Variants in DOK6 observed in about 807,000 individuals in gnomAD.
The protein encoded by DOK6 is docking protein 6.
DOK6 carries 22 observed loss-of-function variants against 44.0 expected under a neutral mutation model. The observed-to-expected ratio is 0.50, with a 90% CI of 0.36 to 0.71. The LOEUF is 0.71. DOK6 is among the 30% of genes least tolerant of loss of function. The pLI is 0.00. For synonymous variants in DOK6, 166 were observed against 145.5 expected (o/e 1.14, Z -1.01); for missense variants, 340 against 416.4 (o/e 0.82, Z 1.60).
At chr18:69,538,351 A>G (rs1982176580) in intron 1 of DOK6, among the ~76,000 whole-genome samples, 1 of 152,052 alleles carries the variant, frequency 6.6e-6, no homozygotes, top group South Asian at 2.1e-4. Flanking sequence ...AGAATAATTT[A>G]AAAGTTTGGG....
intron 3 of DOK6, among the ~76,000 whole-genome samples, chr18:69,622,167 C>G (rs1176172201): frequency 6.6e-6 from 1 of 152,154 alleles, no homozygotes; most frequent in Non-Finnish European, 1.5e-5. Context: ...GAAATCCTTT[C>G]TGCTTATTGT....
intron 7 of DOK6, among the ~76,000 whole-genome samples, chr18:69,795,720 G>A (rs935321878): frequency 3.3e-5 from 5 of 152,152 alleles, no homozygotes; most frequent in African/African-American, 7.2e-5. Context: ...ATGACAGCCC[G>A]TTTGGGAATT....
At chr18:69,476,815 T>G (rs980280186) in intron 1 of DOK6, among the ~76,000 whole-genome samples, 4 of 152,122 alleles carry the variant, frequency 2.6e-5, no homozygotes, top group African/African-American at 9.7e-5. Context: ...CTTTCCTTTC[T>G]CAGAACCCAA....
chr18:69,436,542 C>G (rs551586183), intron 1 of DOK6, among the ~76,000 whole-genome samples: 2 of 152,242 alleles, frequency 1.3e-5, no homozygotes, highest in African/African-American at 4.8e-5. Context: ...GCCACATTTT[C>G]TTTCTCCAGT....
chr18:69,807,175 G>GT lies in DOK6; in HGVS notation c.857-34061dup, dbSNP rs144076851. Among the ~76,000 whole-genome samples the GT allele has an allele frequency of 4.0e-5, 6 of 151,398 alleles. No individual in the cohort carries two copies. The East Asian group carries it at 1.2e-3, about 30-fold the overall frequency. ...AGAACTGCAAGTCCTCAGTGTGGAG[G>GT]TTTTTTTTAATGCAATCAAAGTTAA... On this transcript the variant is annotated intron_variant, in intron 7 of 7. Coordinates refer to ENST00000382713, the MANE Select transcript of DOK6 (RefSeq NM_152721.6).
intron 2 of DOK6, among the ~76,000 whole-genome samples, chr18:69,572,681 C>T (rs763662001): frequency 7.4e-4 from 112 of 151,962 alleles, no homozygotes; most frequent in Non-Finnish European, 1.1e-3. Context: ...GGGAAAAGAA[C>T]AGTAAAAGGT....
At chr18:69,705,954 A>T (rs2144710449) in intron 5 of DOK6, among the ~76,000 whole-genome samples, 1 of 152,258 alleles carries the variant, frequency 6.6e-6, no homozygotes, top group South Asian at 2.1e-4. Flanking sequence ...TTCTGCTAAG[A>T]AACTGCAGAC....
intron 1 of DOK6, among the ~76,000 whole-genome samples, chr18:69,508,064 AT>A (rs565662957): frequency 3.7e-4 from 57 of 152,090 alleles, no homozygotes; most frequent in African/African-American, 1.2e-3. Context: ...TTCCTAGTAT[AT>A]TTTTTTCATG....
intron 3 of DOK6, among the ~76,000 whole-genome samples, chr18:69,648,125 T>C (rs1245026651): frequency 6.6e-6 from 1 of 152,190 alleles, no homozygotes. Context: ...ACTTTTTGTT[T>C]TTTACGTTAC....
intron 7 of DOK6, among the ~76,000 whole-genome samples, chr18:69,789,460 C>T (rs756746550): frequency 1.1e-4 from 17 of 151,500 alleles, no homozygotes; most frequent in Non-Finnish European, 2.1e-4. Flanking sequence ...TGTGTGTATG[C>T]GTGTGTGTTT....
chr18:69,555,707 G>A (rs1982670626), intron 1 of DOK6, among the ~76,000 whole-genome samples: 1 of 152,044 alleles, frequency 6.6e-6, no homozygotes, highest in Admixed American at 6.6e-5. Flanking sequence ...GAATTTTCTG[G>A]TTTGTAACCA....
intron 1 of DOK6, among the ~76,000 whole-genome samples, chr18:69,479,550 T>C (rs1304037161): frequency 6.6e-6 from 1 of 152,156 alleles, no homozygotes; most frequent in Non-Finnish European, 1.5e-5. Flanking sequence ...AATATGGTCA[T>C]CATAATACAC....
Position 69,841,456 on chromosome 18 carries a change from T to A in DOK6, c.*73T>A. The A allele has an allele frequency of 1.3e-6, 2 of 1,581,554 alleles. No individual in the cohort carries two copies. Among genetic ancestry groups the A allele is most frequent in the African/African-American group, 1.3e-5 (1 of 74,330 alleles). On this transcript the variant is annotated 3_prime_UTR_variant, in exon 8 of 8. Transcript: ENST00000382713. ...GTCTGTGGGGTCATTACCCTCTGCCTCCTGGAAGACCAATTGCAGTACAAA... is the reference window on the plus strand; with the variant it reads ...GTCTGTGGGGTCATTACCCTCTGCCACCTGGAAGACCAATTGCAGTACAAA...
At chr18:69,837,006 A>G (rs1982072628) in intron 7 of DOK6, among the ~76,000 whole-genome samples, 1 of 152,190 alleles carries the variant, frequency 6.6e-6, no homozygotes, top group Non-Finnish European at 1.5e-5. Context: ...AATTATCTGT[A>G]AAGAAACGGT....
rs1454922440 is a variant in DOK6, at chr18:69,843,709, C to T, written c.*2326C>T. 1 of 152,166 alleles carries T rather than the reference C, an allele frequency of 6.6e-6. No homozygotes were observed. The highest frequency in any genetic ancestry group is 1.5e-5 in the Non-Finnish European group (1 of 68,042). 9.4% of individuals were successfully genotyped at this position (152,166 alleles called of 1,614,324 possible). On this transcript the variant is annotated 3_prime_UTR_variant, in exon 8 of 8. Transcript: ENST00000382713. ...ACCAATGAATATAACTGAAGGAGCA[C>T]CAAAGATCAGGCATAACCTCGGGCC...
chr18:69,415,094 A>G (rs905394208), intron 1 of DOK6, among the ~76,000 whole-genome samples: 3 of 152,134 alleles, frequency 2.0e-5, no homozygotes, highest in African/African-American at 7.2e-5. Context: ...CAAGATCAAA[A>G]GAGTGCTTAG....
At position 69,530,229 on chromosome 18, in the gene DOK6, T is replaced by C. The variant is rs184188418; in HGVS notation, c.67-34258T>C. Among the ~76,000 whole-genome samples the C allele has an allele frequency of 2.2e-3, 338 of 152,314 alleles. 3 individuals are homozygous for C. The highest frequency in any genetic ancestry group is 1.8e-3 in the Non-Finnish European group (124 of 68,018). ...CACACTGCTTTTAAATACCACACTA[T>C]GTTGACTACTGGACACCTTTTTTTT... On this transcript the variant is annotated intron_variant, in intron 1 of 7. Transcript: ENST00000382713.
At position 69,527,960 on chromosome 18, in the gene DOK6, G is replaced by A. The variant is rs374175157; in HGVS notation, c.67-36527G>A. Among the ~76,000 whole-genome samples the A allele has an allele frequency of 1.1e-4, 16 of 152,140 alleles. No homozygotes were observed. In the East Asian group the frequency reaches 1.2e-3, roughly 11 times the overall value. On this transcript the variant is annotated intron_variant, in intron 1 of 7. Coordinates refer to ENST00000382713, the MANE Select transcript of DOK6 (RefSeq NM_152721.6). Reference sequence around the variant, plus strand: ...GGGCGGATCACGAGGTCAGGAGATCGATACCATCTTGGCTAACATGGTGAA... The same window carrying A: ...GGGCGGATCACGAGGTCAGGAGATCAATACCATCTTGGCTAACATGGTGAA...
intron 7 of DOK6, among the ~76,000 whole-genome samples, chr18:69,821,577 A>G (rs1311981473): frequency 6.6e-6 from 1 of 152,266 alleles, no homozygotes; most frequent in East Asian, 1.9e-4. Context: ...ATGGGGCAGC[A>G]AATCTTTGAG....
Sources: allele counts gnomAD v4.1 joint callset (sites outside exome capture counted in the v4.1 genomes callset), GRCh38; gene constraint gnomAD v4.1.1; transcripts MANE v1.5; gene names NCBI Gene and HGNC (gene_info 2026-07-23, HGNC 2026-07-21).